The following RNF121 variants were observed in gnomAD, a reference collection of about 807,000 sequenced individuals.
The protein encoded by RNF121 is E3 ubiquitin ligase RNF121.
In RNF121, 21 loss-of-function variants were observed where a neutral mutation model predicts 46.5. That is an observed-to-expected ratio of 0.45 (90% confidence interval 0.32 to 0.65). RNF121 has a LOEUF of 0.65. Ranked by LOEUF, RNF121 falls within the 30% of genes least tolerant of loss-of-function variation. RNF121 has a pLI of 0.04. For synonymous variants in RNF121, 139 were observed against 144.7 expected (o/e 0.96, Z 0.28); for missense variants, 346 against 416.0 (o/e 0.83, Z 1.46).
At chr11:71,951,468 C>T (rs1470987626) in intron 1 of RNF121, among the ~76,000 whole-genome samples, 2 of 151,572 alleles carry the variant, frequency 1.3e-5, no homozygotes, top group Admixed American at 6.6e-5. Flanking sequence ...GTCCTAGCTA[C>T]TTGGGAGGCT....
Position 71,929,075 on chromosome 11 carries a change from T to A in RNF121, c.14T>A (p.Val5Glu). The A allele has an allele frequency of 6.4e-7, 1 of 1,550,666 alleles. No individual in the cohort carries two copies. MAAV[V>E]EVEVGGGAAG... The stretch of plus-strand genomic sequence containing the variant: ...CGAGCCGTGAAGATGGCGGCAGTGG[T>A]GGAGGTGGAGGTTGGAGGTGGTGCT... Residue 5 changes from valine (V) to glutamate (E), a missense_variant, in exon 1 of 9, where the codon GTG (valine) becomes GAG (glutamate). Val to Glu is a moderately radical substitution (Grantham distance 121). Transcript: ENST00000361756.
Position 71,994,841 on chromosome 11 carries a change from C to G in RNF121, c.750C>G (p.Ser250=). 1 of 1,614,168 alleles carries G rather than the reference C, an allele frequency of 6.2e-7. No homozygotes were observed. Among genetic ancestry groups the G allele is most frequent in the Non-Finnish European group, 8.5e-7 (1 of 1,180,028 alleles). ...TCATTGAGAACACGTATAGGCTGTC[C>G]TGCAATCATGTGTATCCTGCCTCGA... is the stretch of plus-strand genomic sequence containing the variant. ...EGIIENTYRL[S]CNHVFHEFCI... The change falls in exon 7 of 9, where the codon TCC becomes TCG. Residue 250 remains serine (S), a synonymous_variant. Transcript: ENST00000361756.
At chr11:71,943,298 G>A (rs994181559) in intron 1 of RNF121, among the ~76,000 whole-genome samples, 1 of 152,142 alleles carries the variant, frequency 6.6e-6, no homozygotes, top group Non-Finnish European at 1.5e-5. Flanking sequence ...TGAGTAAATG[G>A]CATCACCATG....
intron 3 of RNF121, among the ~76,000 whole-genome samples, chr11:71,981,054 CTT>C (rs914037506): frequency 1.4e-5 from 2 of 145,138 alleles, no homozygotes; most frequent in Admixed American, 6.9e-5. Flanking sequence ...TAAATACTTT[CTT>C]TTTTTTTTTT....
In RNF121 at chr11:71,996,453, G is replaced by A. The variant is rs1201591286; in HGVS notation, c.*138G>A. The A allele has an allele frequency of 3.9e-5, 38 of 967,808 alleles. 1 individual carries two copies. Among genetic ancestry groups the A allele is most frequent in the South Asian group, 8.8e-5 (5 of 56,564 alleles). The allele number at this position is 967,808 out of a possible 1,614,324, so 60.0% of individuals were successfully genotyped here. ...CACTCAGGACCCCTCTGGCTGTGTC[G>A]GACTGGGGAGGGATATGATGGAGAG... On this transcript the variant is annotated 3_prime_UTR_variant, in exon 9 of 9. Coordinates refer to ENST00000361756, the MANE Select transcript of RNF121 (RefSeq NM_018320.5).
intron 1 of RNF121, among the ~76,000 whole-genome samples, chr11:71,942,152 C>T (rs1053141490): frequency 6.6e-6 from 1 of 151,894 alleles, no homozygotes; most frequent in African/African-American, 2.4e-5. Context: ...CCAGGATGGT[C>T]TCAATCTCCT....
Position 71,994,826 on chromosome 11 carries a change from C to T in RNF121, c.735C>T (p.Asn245=). The T allele has an allele frequency of 6.2e-7, 1 of 1,614,168 alleles. No homozygotes were observed. Among genetic ancestry groups the T allele is most frequent in the Non-Finnish European group, 8.5e-7 (1 of 1,180,036 alleles). The change falls in exon 7 of 9, where the codon AAC becomes AAT. Residue 245 remains asparagine (N), a synonymous_variant. Coordinates refer to ENST00000361756, the MANE Select transcript of RNF121 (RefSeq NM_018320.5). ...TCAGTGAAGAGGGGATCATTGAGAA[C>T]ACGTATAGGCTGTCCTGCAATCATG... ...VDVSEEGIIE[N]TYRLSCNHVF...
intron 1 of RNF121, among the ~76,000 whole-genome samples, chr11:71,930,125 G>A (rs998274671): frequency 6.6e-6 from 1 of 152,234 alleles, no homozygotes; most frequent in Non-Finnish European, 1.5e-5. Flanking sequence ...GGGCAGAGAA[G>A]CAGAGACAGA....
At chr11:71,960,366 T>C (rs1954101613) in intron 2 of RNF121, among the ~76,000 whole-genome samples, 1 of 152,238 alleles carries the variant, frequency 6.6e-6, no homozygotes, top group African/African-American at 2.4e-5. Flanking sequence ...ACTTTATGTC[T>C]ATAACCTCTT....
At position 71,974,518 on chromosome 11, in the gene RNF121, A is replaced by G. The variant is rs183583150; in HGVS notation, c.244-8243A>G. ...TTTATCTTCAGTTTTCAGATTAGTA[A>G]ACCAAGGTACAGAATCCTGAAGTGA... is the stretch of plus-strand genomic sequence containing the variant. On this transcript the variant is annotated intron_variant, in intron 3 of 8. Coordinates refer to ENST00000361756, the MANE Select transcript of RNF121 (RefSeq NM_018320.5). 2.7e-3 allele frequency among the ~76,000 whole-genome samples: 416 copies of G among 152,254 alleles called. 2 individuals are homozygous for G. Among genetic ancestry groups the G allele is most frequent in the South Asian group, 0.013 (62 of 4,820 alleles).
chr11:71,985,723 A>G (rs1473315177), intron 4 of RNF121, among the ~76,000 whole-genome samples: 1 of 152,188 alleles, frequency 6.6e-6, no homozygotes, highest in Non-Finnish European at 1.5e-5. Flanking sequence ...ACAGATTACT[A>G]AATTGTTCAT....
At chr11:71,930,663 T>C (rs1455039309) in intron 1 of RNF121, among the ~76,000 whole-genome samples, 2 of 152,170 alleles carry the variant, frequency 1.3e-5, no homozygotes, top group Admixed American at 1.3e-4. Context: ...TTCAGTGAGA[T>C]ATATTTGAAG....
rs145413803 is a variant in RNF121, at chr11:71,944,937, T to G, written c.64-12290T>G. ...TTTGGAAAGTATTTACTGCTGGCTA[T>G]TAAAGATCAAGTAGGATTATGTTAG... On this transcript the variant is annotated intron_variant, in intron 1 of 8. Coordinates refer to ENST00000361756, the MANE Select transcript of RNF121 (RefSeq NM_018320.5). 1.8e-4 allele frequency among the ~76,000 whole-genome samples: 27 copies of G among 152,310 alleles called. No individual in the cohort carries two copies. In the East Asian group the frequency reaches 3.3e-3, roughly 18 times the overall value.
intron 6 of RNF121, among the ~76,000 whole-genome samples, chr11:71,991,138 C>T (rs1954856065): frequency 6.6e-6 from 1 of 152,086 alleles, no homozygotes; most frequent in African/African-American, 2.4e-5. Flanking sequence ...ACATGGGCAA[C>T]AGGATCATTC....
intron 3 of RNF121, among the ~76,000 whole-genome samples, chr11:71,964,801 A>G (rs1363073206): frequency 6.6e-6 from 1 of 152,098 alleles, no homozygotes; most frequent in Non-Finnish European, 1.5e-5. Context: ...TTTTAGTACA[A>G]GTTAGCAACC....
intron 2 of RNF121, among the ~76,000 whole-genome samples, chr11:71,958,692 C>T (rs1019293176): frequency 2.6e-5 from 4 of 152,042 alleles, no homozygotes; most frequent in South Asian, 2.1e-4. Context: ...GATGACAGAG[C>T]GAGACTCTCT....
intron 4 of RNF121, among the ~76,000 whole-genome samples, chr11:71,984,927 C>G (rs979308944): frequency 6.6e-5 from 3 of 45,780 alleles, no homozygotes; most frequent in Admixed American, 5.8e-4. Flanking sequence ...TTTCAAAGCA[C>G]TTTTTAAAAA....
rs142590831 is a variant in RNF121 at position 71,994,733 on chromosome 11, G to A, written c.642G>A (p.Ser214=). 3.0e-5 allele frequency: 49 copies of A among 1,613,914 alleles called. 1 individual carries two copies. Among genetic ancestry groups the A allele is most frequent in the South Asian group, 1.2e-4 (11 of 91,070 alleles). ...MASTIGFYSE[S]GMPTKHLSDS... ...TTCTCCTTCAGTTCTACAGCGAGTCGGGCATGCCTACCAAACATCTTTCAG... is the reference window on the plus strand; with the variant it reads ...TTCTCCTTCAGTTCTACAGCGAGTCAGGCATGCCTACCAAACATCTTTCAG... Residue 214 remains serine, a synonymous_variant, in exon 7 of 9, where the codon TCG becomes TCA. Transcript: ENST00000361756.
chr11:71,948,720 T>G (rs966338267), intron 1 of RNF121, among the ~76,000 whole-genome samples: 1 of 152,050 alleles, frequency 6.6e-6, no homozygotes, highest in Non-Finnish European at 1.5e-5. Context: ...GATTTATGAC[T>G]TTGGTGGCCT....
Sources: gnomAD v4.1 joint callset for allele counts (sites outside exome capture counted in the v4.1 genomes callset) on GRCh38, gnomAD v4.1.1 for gene constraint, MANE v1.5 for transcripts, NCBI Gene and HGNC (gene_info 2026-07-23, HGNC 2026-07-21) for gene names.